The following LRP1B variants were observed in gnomAD, a reference collection of about 807,000 sequenced individuals.
LRP1B encodes the protein LDL receptor related protein 1B, also known as low-density lipoprotein receptor-related protein 1B.
A neutral mutation model predicts 556.6 loss-of-function variants in LRP1B; 217 were observed. The observed-to-expected ratio is 0.39, with a 90% confidence interval of 0.35 to 0.44. The LOEUF is 0.44. Among genes scored for constraint, LRP1B ranks in the 20% least tolerant of loss-of-function variants. The pLI is 1.00. For missense variants in LRP1B, 5,053 were observed against 5,620.8 expected, an observed-to-expected ratio of 0.90 and a Z score of 3.23; for synonymous variants, 2,047 against 1,865.8, an observed-to-expected ratio of 1.10 and a Z score of -2.50.
intron 86 of LRP1B, among the ~76,000 whole-genome samples, chr2:140,259,137 C>T (rs1381629251): frequency 2.0e-5 from 3 of 152,058 alleles, no homozygotes; most frequent in Admixed American, 6.6e-5. Flanking sequence ...ATTTATCTTA[C>T]ACCACTCAAA....
At chr2:141,381,937 T>C (rs1689657675) in intron 3 of LRP1B, among the ~76,000 whole-genome samples, 3 of 151,488 alleles carry the variant, frequency 2.0e-5, no homozygotes, top group South Asian at 2.1e-4. Context: ...AGGTACAAGA[T>C]TGGAAATTTG....
At chr2:140,594,218 CCT>C (rs1682344128) in intron 43 of LRP1B, among the ~76,000 whole-genome samples, 1 of 152,128 alleles carries the variant, frequency 6.6e-6, no homozygotes, top group Non-Finnish European at 1.5e-5. Flanking sequence ...GATCCACTTG[CCT>C]CAGCCTCCCA....
chr2:140,397,856 C>T lies in LRP1B; in HGVS notation c.10415-11847G>A, dbSNP rs76631617. 2.5e-3 allele frequency among the ~76,000 whole-genome samples: 388 copies of T among 152,194 alleles called. 2 individuals are homozygous for T. Among genetic ancestry groups the T allele is most frequent in the African/African-American group, 8.9e-3 (370 of 41,552 alleles). On this transcript the variant is annotated intron_variant, in intron 66 of 90. Coordinates refer to ENST00000389484, the MANE Select transcript of LRP1B (RefSeq NM_018557.3). ...AAGATCGTTCTTTAGGGACATTCAC[C>T]ACATTTTTGTATTTGATAATATTTA...
intron 2 of LRP1B, among the ~76,000 whole-genome samples, chr2:141,677,781 AC>A (rs1478472777): frequency 1.2e-4 from 19 of 152,246 alleles, no homozygotes; most frequent in Admixed American, 2.0e-4. Context: ...GAGCCACTGC[AC>A]CTAGCCATAT....
intron 6 of LRP1B, among the ~76,000 whole-genome samples, chr2:141,220,992 AACT>A (rs895159849): frequency 6.6e-6 from 1 of 152,184 alleles, no homozygotes; most frequent in African/African-American, 2.4e-5. Context: ...ACTATGAAGC[AACT>A]ACATTAACAA....
At chr2:140,299,104 T>C (rs1683715925) in intron 83 of LRP1B, among the ~76,000 whole-genome samples, 1 of 152,092 alleles carries the variant, frequency 6.6e-6, no homozygotes, top group Non-Finnish European at 1.5e-5. Flanking sequence ...GACACAGAAG[T>C]GTAATTAAAC....
chr2:141,097,667 G>T (rs1226817920), intron 7 of LRP1B, among the ~76,000 whole-genome samples: 1 of 152,038 alleles, frequency 6.6e-6, no homozygotes, highest in Non-Finnish European at 1.5e-5. Flanking sequence ...AAAAATTAGA[G>T]ATTTTTCCTC....
intron 3 of LRP1B, among the ~76,000 whole-genome samples, chr2:141,396,978 T>G (rs1202876973): frequency 6.6e-6 from 1 of 151,632 alleles, no homozygotes; most frequent in Non-Finnish European, 1.5e-5. Flanking sequence ...CCAGGTGTGG[T>G]GACGCATGCC....
intron 2 of LRP1B, among the ~76,000 whole-genome samples, chr2:141,634,890 T>C (rs1181224305): frequency 6.6e-6 from 1 of 152,032 alleles, no homozygotes; most frequent in Non-Finnish European, 1.5e-5. Flanking sequence ...TTCTAAAACA[T>C]TTAATTAGTT....
chr2:141,389,596 G>GCAACAA (rs146962572), intron 3 of LRP1B, among the ~76,000 whole-genome samples: 1 of 151,630 alleles, frequency 6.6e-6, no homozygotes, highest in Non-Finnish European at 1.5e-5. Context: ...CGCACGAGGA[G>GCAACAA]CAACAACAAC....
chr2:141,117,434 T>C (rs956698651), intron 7 of LRP1B, among the ~76,000 whole-genome samples: 2 of 151,920 alleles, frequency 1.3e-5, no homozygotes, highest in East Asian at 1.9e-4. Context: ...GGCAAGTAGT[T>C]TTAATCAGAA....
At chr2:140,449,687 A>C (rs1212048277) in intron 63 of LRP1B, among the ~76,000 whole-genome samples, 5 of 152,172 alleles carry the variant, frequency 3.3e-5, no homozygotes, top group Non-Finnish European at 7.4e-5. Context: ...GTAAATATCT[A>C]GATAACCTAA....
At chr2:141,310,834 A>G (rs1686787044) in intron 3 of LRP1B, among the ~76,000 whole-genome samples, 1 of 152,204 alleles carries the variant, frequency 6.6e-6, no homozygotes, top group Non-Finnish European at 1.5e-5. Context: ...GAAATTTGGA[A>G]GCAAAAGAAA....
chr2:141,666,277 G>A (rs1690429999), intron 2 of LRP1B, among the ~76,000 whole-genome samples: 1 of 152,158 alleles, frequency 6.6e-6, no homozygotes, highest in South Asian at 2.1e-4. Flanking sequence ...ATCACCTGAA[G>A]AAAATCAGTG....
chr2:140,434,365 C>T (rs570871211), intron 66 of LRP1B, among the ~76,000 whole-genome samples: 3 of 152,226 alleles, frequency 2.0e-5, no homozygotes, highest in African/African-American at 4.8e-5. Context: ...CCACCATACC[C>T]GGCCGAATAA....
Position 142,067,343 on chromosome 2 carries a change from TAAAA to T in LRP1B, c.82+63301_82+63304del, listed in dbSNP as rs375398354. ...TCTGCCTACCATGAGCATAGACAGATAAAAAAAAAGTTTAAAAAATGTAATATAT... is the reference window on the plus strand; with the variant it reads ...TCTGCCTACCATGAGCATAGACAGATAAAAAGTTTAAAAAATGTAATATAT... On this transcript the variant is annotated intron_variant, in intron 1 of 90. Coordinates refer to ENST00000389484, the MANE Select transcript of LRP1B (RefSeq NM_018557.3). Among the ~76,000 whole-genome samples, 94 of 150,542 alleles carry T rather than the reference TAAAA, an allele frequency of 6.2e-4. 1 individual carries two copies. The highest frequency in any genetic ancestry group is 5.1e-3 in the Admixed American group (76 of 15,048).
Position 140,800,097 on chromosome 2 carries a change from A to G in LRP1B, c.5359+13560T>C, listed in dbSNP as rs188873746. The stretch of plus-strand genomic sequence containing the variant: ...AAAAGGATGAGTTCATGTCCTTTGT[A>G]GGGACATGGATGAAGCTGAAAACCA... On this transcript the variant is annotated intron_variant, in intron 32 of 90. Transcript: ENST00000389484. 2.5e-3 allele frequency among the ~76,000 whole-genome samples: 376 copies of G among 152,314 alleles called. 2 individuals carry two copies. Among genetic ancestry groups the G allele is most frequent in the African/African-American group, 7.5e-3 (310 of 41,582 alleles).
intron 7 of LRP1B, among the ~76,000 whole-genome samples, chr2:141,096,625 AGG>A (rs140050714): frequency 0.089 from 4,654 of 52,532 alleles, 845 homozygotes; most frequent in South Asian, 0.12. Context: ...AGACGGGGAG[AGG>A]GGGAGAGAGA....
At chr2:141,101,599 A>C (rs1357584648) in intron 7 of LRP1B, among the ~76,000 whole-genome samples, 1 of 152,190 alleles carries the variant, frequency 6.6e-6, no homozygotes, top group African/African-American at 2.4e-5. Flanking sequence ...ATACTGCTTA[A>C]TAAATTGTGT....
Sources: gnomAD v4.1 joint callset for allele counts (sites outside exome capture counted in the v4.1 genomes callset) on GRCh38, gnomAD v4.1.1 for gene constraint, MANE v1.5 for transcripts, NCBI Gene and HGNC (gene_info 2026-07-23, HGNC 2026-07-21) for gene names.